Variants in CARMIL3 observed in about 807,000 individuals in gnomAD.
The protein encoded by CARMIL3 is capping protein, Arp2/3 and myosin-I linker protein 3.
In CARMIL3, 88 loss-of-function variants were observed where a neutral mutation model predicts 180.8. The observed-to-expected ratio is 0.49, with a 90% CI of 0.41 to 0.58. The LOEUF (loss-of-function observed/expected upper bound fraction) is 0.58, where lower values mean the gene tolerates loss of function less well. Ranked by LOEUF, CARMIL3 falls within the 20% of genes least tolerant of loss-of-function variation. CARMIL3 has a pLI of 0.00. For missense variants in CARMIL3, 1,548 were observed against 1,787.0 expected (o/e 0.87, Z 2.41); for synonymous variants, 696 against 714.5 (o/e 0.97, Z 0.41).
chr14:24,060,353 C>A, intron 24 of CARMIL3, 98 bp downstream of exon 24: 1 of 1,309,020 alleles, frequency 7.6e-7, no homozygotes, highest in Non-Finnish European at 1.1e-6. Flanking sequence ...AGAGGCACTG[C>A]ATGGTGCCTA....
At position 24,054,158 on chromosome 14, in the gene CARMIL3, A is replaced by G. The variant is rs763061168; in HGVS notation, c.186+20A>G. On this transcript the variant is annotated intron_variant, in intron 3 of 39. Coordinates refer to ENST00000342740, the MANE Select transcript of CARMIL3 (RefSeq NM_138360.4). The surrounding 1 kb of genome is among the most constrained non-coding windows in gnomAD (Gnocchi z 5.1). ...GCCAAGGTGAGTTGGGCTGAGGAGC[A>G]GGAGAGCACCTGGCATGCTCCCTAC... 6.2e-7 allele frequency: 1 copy of G among 1,614,142 alleles called. No individual in the cohort carries two copies. Among genetic ancestry groups the G allele is most frequent in the South Asian group, 1.1e-5 (1 of 91,078 alleles).
intron 27 of CARMIL3, chr14:24,062,153 G>A: frequency 2.2e-6 from 1 of 445,008 alleles, no homozygotes. Flanking sequence ...CAACTAGCAG[G>A]GTTTAGTTAC....
chr14:24,065,725 G>A lies in CARMIL3; in HGVS notation c.3500G>A (p.Gly1167Asp). Residue 1167 changes from glycine to aspartate, a missense_variant, in exon 34 of 40, where the codon GGT becomes GAT. By Grantham distance (94) the Gly-to-Asp change is moderately conservative (BLOSUM62 -1). Around this residue, in one of 4 missense-constraint regions of CARMIL3, gnomAD observed 668 missense variants for 687.8 expected, o/e 0.97. Coordinates refer to ENST00000342740, the MANE Select transcript of CARMIL3 (RefSeq NM_138360.4). ...CTTCCCGGGTTGGAAAGAGCCAAGG[G>A]TTGGAGCTTCGATGGGAAACGAGAG... is the stretch of plus-strand genomic sequence containing the variant. ...VALPGLERAK[G>D]WSFDGKREGP... 1 of 1,614,140 alleles carries A rather than the reference G, an allele frequency of 6.2e-7. No individual in the cohort carries two copies. Among genetic ancestry groups the A allele is most frequent in the African/African-American group, 1.3e-5 (1 of 75,042 alleles).
At chr14:24,065,499 T>A in intron 33 of CARMIL3, 123 bp from the exon 34 acceptor site, 2 of 1,397,560 alleles carry the variant, frequency 1.4e-6, no homozygotes, top group Non-Finnish European at 1.9e-6. Flanking sequence ...CTTCAGAGGG[T>A]CTCTGCAGGG....
In CARMIL3 at chr14:24,065,691, G is replaced by A. The variant is rs149692862; in HGVS notation, c.3466G>A (p.Gly1156Ser). Residue 1156 changes from glycine to serine, a missense_variant, in exon 34 of 40, where the codon GGT (glycine) becomes AGT (serine). Transcript: ENST00000342740. ...GACAGCACAGCAGCCAAGGGTTCAC[G>A]GTGTTGCCCTTCCCGGGTTGGAAAG... ...PGTAQQPRVH[G>S]VALPGLERAK... The A allele has an allele frequency of 2.4e-5, 39 of 1,613,956 alleles. No homozygotes were observed. Among genetic ancestry groups the A allele is most frequent in the South Asian group, 8.8e-5 (8 of 91,076 alleles).
chr14:24,056,209 G>C, intron 10 of CARMIL3, 90 bp from the exon 11 acceptor site: 1 of 1,083,560 alleles, frequency 9.2e-7, no homozygotes, highest in South Asian at 1.5e-5. Flanking sequence ...TGCAGCCCCA[G>C]CCAGGCAGTC....
intron 10 of CARMIL3, 111 bp from the exon 11 acceptor site, chr14:24,056,188 G>C (rs532996604): frequency 2.2e-5 from 18 of 817,462 alleles, no homozygotes; most frequent in Admixed American, 4.8e-5. Context: ...TGTTGTGGGG[G>C]CCTCTGACCA....
chr14:24,063,354 C>T lies in CARMIL3; in HGVS notation c.2800C>T (p.Leu934=). 6.2e-7 allele frequency: 1 copy of T among 1,606,514 alleles called. No homozygotes were observed. Among genetic ancestry groups the T allele is most frequent in the Non-Finnish European group, 8.5e-7 (1 of 1,175,174 alleles). Residue 934 remains leucine, a synonymous_variant, in exon 31 of 40, where the codon CTG becomes TTG. Transcript: ENST00000342740. ...GAGCCCTCAGGACATGGAAAGCCAA[C>T]TGGGGAATCTGGGGATCCCCCCTGG... ...SGSPQDMESQ[L]GNLGIPPGWF... is the part of the protein sequence containing the mutation.
In CARMIL3 at chr14:24,061,316, A is replaced by G; in HGVS notation, c.2305-181A>G. On this transcript the variant is annotated intron_variant, in intron 26 of 39. Transcript: ENST00000342740. The surrounding 1 kb of genome is among the most constrained non-coding windows in gnomAD (Gnocchi z 4.1). Reference sequence around the variant, plus strand: ...CCTGTCTGTATGGTAGGGTGGAAGGAGCACTGACCAGAAAGTGGGGAAGCC... The same window carrying G: ...CCTGTCTGTATGGTAGGGTGGAAGGGGCACTGACCAGAAAGTGGGGAAGCC... 1.5e-6 allele frequency: 1 copy of G among 665,458 alleles called. No homozygotes were observed. The highest frequency in any genetic ancestry group is 1.8e-5 in the African/African-American group (1 of 55,070). 41.2% of individuals were successfully genotyped at this position (665,458 alleles called of 1,614,324 possible).
At chr14:24,064,900 G>C in intron 32 of CARMIL3, 58 bp from the exon 33 acceptor site, 1 of 1,558,774 alleles carries the variant, frequency 6.4e-7, no homozygotes, top group Non-Finnish European at 8.7e-7. Context: ...AGGTTTATCA[G>C]ACCCAGGATT....
At chr14:24,056,252 G>A (rs779048979) in intron 10 of CARMIL3, 47 bp from the exon 11 acceptor site, 2 of 1,519,412 alleles carry the variant, frequency 1.3e-6, no homozygotes, top group South Asian at 2.3e-5. Flanking sequence ...CAGAGGCTGG[G>A]ACCTGGGGCT....
chr14:24,069,083 C>A (rs2035827715), intron 38 of CARMIL3, 54 bp from the exon 39 acceptor site: 2 of 1,603,784 alleles, frequency 1.2e-6, no homozygotes, highest in Non-Finnish European at 1.7e-6. Flanking sequence ...CCTGGATGAG[C>A]ATCCCAGCAT....
Position 24,059,301 on chromosome 14 carries a change from G to A in CARMIL3, c.1658G>A (p.Arg553Gln), listed in dbSNP as rs751812193. The A allele has an allele frequency of 5.6e-6, 9 of 1,613,888 alleles. No individual in the cohort carries two copies. The highest frequency in any genetic ancestry group is 4.2e-6 in the Non-Finnish European group (5 of 1,180,012). ...SLQSLSVADS[R>Q]LKLRTSILIN... ...CAGTCACTGTCGGTGGCAGACTCCC[G>A]GCTGAAGCTTCGCACCAGCATCCTC... The change falls in exon 21 of 40, where the codon CGG becomes CAG. Residue 553 changes from arginine to glutamine, a missense_variant. By Grantham distance (43) the Arg-to-Gln change is conservative. Around this residue, in one of 4 missense-constraint regions of CARMIL3, gnomAD observed 297 missense variants for 415.9 expected, o/e 0.71. Coordinates refer to ENST00000342740, the MANE Select transcript of CARMIL3 (RefSeq NM_138360.4). This position sits in a 1 kb window ranked among gnomAD's most constrained non-coding sequence, Gnocchi z 6.3.
At chr14:24,052,866 G>A (rs147619289) in intron 1 of CARMIL3, among the ~76,000 whole-genome samples, 5 of 152,238 alleles carry the variant, frequency 3.3e-5, no homozygotes, top group Non-Finnish European at 7.4e-5. Flanking sequence ...ACCCAGGCCC[G>A]GCCACCCAGC....
chr14:24,065,427 A>G, intron 33 of CARMIL3, 154 bp downstream of exon 33: 3 of 1,055,210 alleles, frequency 2.8e-6, no homozygotes, highest in Non-Finnish European at 4.0e-6. Flanking sequence ...AGAGTGGACT[A>G]AGACCCAGTG....
chr14:24,052,258 C>A, intron 1 of CARMIL3, 65 bp downstream of exon 1: 3 of 1,487,452 alleles, frequency 2.0e-6, no homozygotes, highest in Non-Finnish European at 2.7e-6. Context: ...GCGCGTTCCT[C>A]CCCGTGGTGC....
rs779164127 is a variant in CARMIL3, at chr14:24,058,690, C to CTG, written c.1403_1404insTG (p.Ala470GlufsTer15). 1 of 1,614,044 alleles carries CTG rather than the reference C, an allele frequency of 6.2e-7. No individual in the cohort carries two copies. Among genetic ancestry groups the CTG allele is most frequent in the Non-Finnish European group, 8.5e-7 (1 of 1,179,992 alleles). Reference sequence around the variant, plus strand: ...ACCTTGTCCCTGCAGCTCCGTTCAGCGGGAGCCCAAGCCTTGCAGGAGCAG... The same window carrying CTG: ...ACCTTGTCCCTGCAGCTCCGTTCAGCTGGGGAGCCCAAGCCTTGCAGGAGCAG... On this transcript the variant is annotated frameshift_variant, in exon 18 of 40. Transcript: ENST00000342740. LOFTEE classifies it high-confidence loss of function. This position sits in a 1 kb window ranked among gnomAD's most constrained non-coding sequence, Gnocchi z 6.4.
rs1248340650 is a variant in CARMIL3, at chr14:24,059,476, C to A, written c.1799+34C>A. ...CACACCGGGACCCCCTGACCTGGAG[C>A]CCCAGCCCCTCCCCATATGTACATA... On this transcript the variant is annotated intron_variant, in intron 21 of 39. Coordinates refer to ENST00000342740, the MANE Select transcript of CARMIL3 (RefSeq NM_138360.4). This position sits in a 1 kb window ranked among gnomAD's most constrained non-coding sequence, Gnocchi z 6.3. 6 of 1,549,918 alleles carry A rather than the reference C, an allele frequency of 3.9e-6. No individual in the cohort carries two copies. The highest frequency in any genetic ancestry group is 1.9e-4 in the Middle Eastern group (1 of 5,354).
Position 24,065,653 on chromosome 14 carries a change from G to A in CARMIL3, c.3428G>A (p.Gly1143Asp), listed in dbSNP as rs568176086. 45 of 1,613,082 alleles carry A rather than the reference G, an allele frequency of 2.8e-5. 1 individual carries two copies. The South Asian group carries it at 4.0e-4, about 14-fold the overall frequency. Residue 1143 changes from glycine to aspartate, a missense_variant, in exon 34 of 40, where the codon GGC (glycine) becomes GAC (aspartate). By Grantham distance (94) the Gly-to-Asp change is moderately conservative. Around this residue, in one of 4 missense-constraint regions of CARMIL3, gnomAD observed 668 missense variants for 687.8 expected, o/e 0.97. Coordinates refer to ENST00000342740, the MANE Select transcript of CARMIL3 (RefSeq NM_138360.4). ...GTEGSEPGEG[G>D]PAPGTAQQPR... is the part of the protein sequence containing the mutation. ...GAGGGGTCAGAGCCAGGGGAGGGGGGCCCAGCCCCTGGGACAGCACAGCAG... is the reference window on the plus strand; with the variant it reads ...GAGGGGTCAGAGCCAGGGGAGGGGGACCCAGCCCCTGGGACAGCACAGCAG...
Sources: allele counts gnomAD v4.1 joint callset (sites outside exome capture counted in the v4.1 genomes callset), GRCh38; gene constraint gnomAD v4.1.1; regional missense constraint gnomAD v4.1.1; non-coding constraint Gnocchi (gnomAD v3.1); transcripts MANE v1.5; gene names NCBI Gene and HGNC (gene_info 2026-07-23, HGNC 2026-07-21).